Variants in ROR1 observed in about 807,000 individuals in gnomAD.
ROR1 encodes inactive tyrosine-protein kinase transmembrane receptor ROR1.
A neutral mutation model predicts 78.8 loss-of-function variants in ROR1; 19 were observed. That is an observed-to-expected ratio of 0.24 (90% confidence interval 0.17 to 0.35). ROR1 has a LOEUF of 0.35. ROR1 is among the 10% of genes least tolerant of loss of function. The probability of loss-of-function intolerance (pLI) is 1.00; values close to 1 mark genes in which losing one functional copy is unlikely to be tolerated. For synonymous variants in ROR1, 386 were observed against 433.6 expected, an observed-to-expected ratio of 0.89 and a Z score of 1.36; for missense variants, 917 against 1,177.8, an observed-to-expected ratio of 0.78 and a Z score of 3.24.
chr1:64,069,216 T>G (rs1422803985), intron 4 of ROR1, among the ~76,000 whole-genome samples: 1 of 152,062 alleles, frequency 6.6e-6, no homozygotes, highest in Non-Finnish European at 1.5e-5. Flanking sequence ...CTGAAAAGGG[T>G]CTCTTTATTA....
chr1:63,818,399 A>G lies in ROR1; in HGVS notation c.91+43891A>G, dbSNP rs568739011. ...AATATTGTATCATGAAAAATGTCAG[A>G]CAGATTGAAAAGTTGAACACCACCT... On this transcript the variant is annotated intron_variant, in intron 1 of 8. Coordinates refer to ENST00000371079, the MANE Select transcript of ROR1 (RefSeq NM_005012.4). Among the ~76,000 whole-genome samples the G allele has an allele frequency of 3.9e-5, 6 of 152,318 alleles. No homozygotes were observed. In the East Asian group the frequency reaches 5.8e-4, roughly 15 times the overall value.
At chr1:64,150,247 C>T (rs146439058) in intron 7 of ROR1, among the ~76,000 whole-genome samples, 104 of 151,968 alleles carry the variant, frequency 6.8e-4, no homozygotes, top group African/African-American at 2.3e-3. Context: ...CAAAGAGTAT[C>T]CATGATAAGA....
At chr1:64,140,520 A>G (rs936804092) in intron 6 of ROR1, 94 bp downstream of exon 6, 2 of 1,154,356 alleles carry the variant, frequency 1.7e-6, no homozygotes, top group Non-Finnish European at 2.5e-6. Flanking sequence ...TGATTTTCAT[A>G]CTGTTAATCA....
chr1:64,063,627 T>G (rs925080275), intron 4 of ROR1, among the ~76,000 whole-genome samples: 2 of 145,380 alleles, frequency 1.4e-5, no homozygotes, highest in Non-Finnish European at 3.0e-5. Context: ...TCTCTTTCTC[T>G]GTCTCTCTCT....
At chr1:64,065,550 G>A (rs1646949809) in intron 4 of ROR1, among the ~76,000 whole-genome samples, 1 of 152,126 alleles carries the variant, frequency 6.6e-6, no homozygotes, top group South Asian at 2.1e-4. Context: ...CCTAAAACTG[G>A]GTTGCACAGG....
chr1:64,097,835 G>A (rs541386537), intron 4 of ROR1, among the ~76,000 whole-genome samples: 1 of 152,230 alleles, frequency 6.6e-6, no homozygotes, highest in East Asian at 1.9e-4. Context: ...TGGAGGGTGA[G>A]CTGTGGTGGA....
intron 1 of ROR1, among the ~76,000 whole-genome samples, chr1:63,847,022 A>G (rs1645085792): frequency 6.6e-6 from 1 of 152,176 alleles, no homozygotes; most frequent in Admixed American, 6.5e-5. Flanking sequence ...CTATCAGTCC[A>G]GTGTTCTTGC....
At chr1:64,098,994 T>C (rs1450935063) in intron 4 of ROR1, among the ~76,000 whole-genome samples, 2 of 152,160 alleles carry the variant, frequency 1.3e-5, no homozygotes, top group Admixed American at 6.6e-5. Flanking sequence ...ATGTTATTCA[T>C]GTCATCAGGA....
At chr1:63,961,470 TGTG>T (rs1308439666) in intron 1 of ROR1, among the ~76,000 whole-genome samples, 4 of 152,310 alleles carry the variant, frequency 2.6e-5, no homozygotes, top group Non-Finnish European at 5.9e-5. Flanking sequence ...ATAATGAAAA[TGTG>T]GTACATATAC....
chr1:63,994,570 T>C (rs896874965), intron 1 of ROR1, among the ~76,000 whole-genome samples: 1 of 152,132 alleles, frequency 6.6e-6, no homozygotes, highest in African/African-American at 2.4e-5. Context: ...TGGAGAAGGC[T>C]TGTGGGGAAA....
intron 1 of ROR1, among the ~76,000 whole-genome samples, chr1:63,983,163 CTT>C (rs1646223707): frequency 6.6e-6 from 1 of 152,194 alleles, no homozygotes; most frequent in Non-Finnish European, 1.5e-5. Flanking sequence ...TACATTATCT[CTT>C]TAATCATCAT....
At chr1:63,919,105 T>C (rs757220679) in intron 1 of ROR1, among the ~76,000 whole-genome samples, 1 of 152,214 alleles carries the variant, frequency 6.6e-6, no homozygotes, top group Non-Finnish European at 1.5e-5. Context: ...TTTGAAATGA[T>C]GGTTCAATGC....
intron 1 of ROR1, among the ~76,000 whole-genome samples, chr1:63,967,124 A>C (rs761404440): frequency 1.2e-4 from 19 of 152,216 alleles, no homozygotes; most frequent in Non-Finnish European, 2.6e-4. Flanking sequence ...TAAAAGATTT[A>C]GAATGGTGCT....
At chr1:63,996,777 A>G (rs909268224) in intron 1 of ROR1, among the ~76,000 whole-genome samples, 3 of 152,182 alleles carry the variant, frequency 2.0e-5, no homozygotes, top group Admixed American at 6.5e-5. Flanking sequence ...AGACAAAAAC[A>G]AAAACTGGGA....
intron 2 of ROR1, among the ~76,000 whole-genome samples, chr1:64,025,279 C>T (rs1646598605): frequency 6.6e-6 from 1 of 152,128 alleles, no homozygotes; most frequent in East Asian, 1.9e-4. Context: ...ATAATGTGAG[C>T]TCCTGGCTGA....
At chr1:63,991,549 G>A (rs368182135) in intron 1 of ROR1, among the ~76,000 whole-genome samples, 5 of 152,250 alleles carry the variant, frequency 3.3e-5, no homozygotes, top group Admixed American at 6.5e-5. Context: ...ACTTGGTGGC[G>A]TAGAAAAATA....
chr1:64,071,361 A>G (rs1211448696), intron 4 of ROR1, among the ~76,000 whole-genome samples: 1 of 152,172 alleles, frequency 6.6e-6, no homozygotes, highest in Non-Finnish European at 1.5e-5. Context: ...AGATGTGAAA[A>G]TAGGTGGTTT....
intron 2 of ROR1, among the ~76,000 whole-genome samples, chr1:64,038,844 G>A (rs185700723): frequency 1.3e-5 from 2 of 152,264 alleles, no homozygotes; most frequent in Admixed American, 1.3e-4. Context: ...AGTTTAAGGA[G>A]CCACAGCAAA....
At chr1:63,828,127 C>G (rs1353400915) in intron 1 of ROR1, among the ~76,000 whole-genome samples, 1 of 152,158 alleles carries the variant, frequency 6.6e-6, no homozygotes, top group African/African-American at 2.4e-5. Context: ...ACTTAATAAA[C>G]TTGCAGTAAC....
Sources: allele counts gnomAD v4.1 joint callset (sites outside exome capture counted in the v4.1 genomes callset), GRCh38; gene constraint gnomAD v4.1.1; transcripts MANE v1.5; gene names NCBI Gene and HGNC (gene_info 2026-07-23, HGNC 2026-07-21).